Variants in MTA3 observed in about 807,000 individuals in gnomAD.
MTA3 encodes metastasis-associated protein MTA3.
In MTA3, 34 loss-of-function variants were observed where a neutral mutation model predicts 83.5. That is an observed-to-expected ratio of 0.41 (90% CI 0.31 to 0.54). The LOEUF (loss-of-function observed/expected upper bound fraction) is 0.54. Ranked by LOEUF, MTA3 falls within the 20% of genes least tolerant of loss-of-function variation. The pLI, the probability that MTA3 is intolerant of heterozygous loss-of-function variation, is 0.33. For missense variants in MTA3, 761 were observed against 726.4 expected (o/e 1.05, Z -0.55); for synonymous variants, 303 against 252.7 (o/e 1.20, Z -1.89).
chr2:42,581,165 G>C (rs1321716334), intron 3 of MTA3, among the ~76,000 whole-genome samples: 1 of 152,112 alleles, frequency 6.6e-6, no homozygotes, highest in African/African-American at 2.4e-5. Flanking sequence ...AAACAAAAAA[G>C]TGTTCATTAT....
intron 16 of MTA3, among the ~76,000 whole-genome samples, chr2:42,725,496 T>C (rs550725597): frequency 6.6e-6 from 1 of 152,332 alleles, no homozygotes; most frequent in South Asian, 2.1e-4. Context: ...ATGATGGATA[T>C]TGGAGGACAG....
intron 3 of MTA3, among the ~76,000 whole-genome samples, chr2:42,592,500 C>A (rs1416082556): frequency 6.6e-6 from 1 of 152,054 alleles, no homozygotes; most frequent in African/African-American, 2.4e-5. Context: ...AGGAGTATTG[C>A]TTGAGCCTGG....
At chr2:42,564,499 A>G (rs1677819800), upstream of MTA3, among the ~76,000 whole-genome samples, 2 of 152,022 alleles carry the variant, frequency 1.3e-5, no homozygotes, top group South Asian at 4.2e-4. Flanking sequence ...ATATGCCTAC[A>G]CTTCTCTTGG....
At chr2:42,659,299 T>C (rs1558552679) in intron 7 of MTA3, among the ~76,000 whole-genome samples, 1 of 152,174 alleles carries the variant, frequency 6.6e-6, no homozygotes, top group Admixed American at 6.5e-5. Flanking sequence ...ATCTGTTTCA[T>C]GTTGAATCCT....
chr2:42,496,322 A>G (rs1674133603), intron 2 of MTA3, among the ~76,000 whole-genome samples: 2 of 152,216 alleles, frequency 1.3e-5, no homozygotes, highest in African/African-American at 2.4e-5. Context: ...ATCATCAACC[A>G]CTGCTGCAGC....
chr2:42,629,583 CCT>C lies in MTA3; in HGVS notation c.318-10587_318-10586del, dbSNP rs1686473328. On this transcript the variant is annotated intron_variant, in intron 4 of 16. Coordinates refer to ENST00000405094, the MANE Select transcript of MTA3 (RefSeq NM_001330442.2). ...CCTTGAACAAGGAGGTGGGAGGAAA[CCT>C]CTAATCTATCTCCTCAGGGAATTTG... Among the ~76,000 whole-genome samples the C allele has an allele frequency of 3.9e-5, 6 of 152,126 alleles. No homozygotes were observed. In the South Asian group the frequency reaches 1.2e-3, roughly 32 times the overall value.
intron 3 of MTA3, among the ~76,000 whole-genome samples, chr2:42,588,750 T>G (rs1680629288): frequency 6.6e-6 from 1 of 152,216 alleles, no homozygotes; most frequent in Non-Finnish European, 1.5e-5. Flanking sequence ...GGAGATTATG[T>G]ATGTGTATAA....
intron 8 of MTA3, among the ~76,000 whole-genome samples, chr2:42,670,617 A>C (rs1298825189): frequency 6.6e-6 from 1 of 152,026 alleles, no homozygotes; most frequent in South Asian, 2.1e-4. Flanking sequence ...ACTCAGGTAA[A>C]CTGGCCCCTT....
chr2:42,654,474 C>T (rs1214656898), intron 6 of MTA3, among the ~76,000 whole-genome samples: 1 of 152,208 alleles, frequency 6.6e-6, no homozygotes, highest in East Asian at 1.9e-4. Context: ...GAATCTATAG[C>T]TATAAATCAA....
At chr2:42,578,097 A>C (rs894418862) in intron 2 of MTA3, among the ~76,000 whole-genome samples, 2 of 152,228 alleles carry the variant, frequency 1.3e-5, no homozygotes. Context: ...GGACTTCATA[A>C]AATTGACAAA....
At chr2:42,555,316 A>G (rs1677326742) in intron 2 of MTA3, among the ~76,000 whole-genome samples, 1 of 151,294 alleles carries the variant, frequency 6.6e-6, no homozygotes. Flanking sequence ...TTAGCCGGGC[A>G]TGGTGGTGCA....
intron 2 of MTA3, among the ~76,000 whole-genome samples, chr2:42,516,767 C>G (rs1675163572): frequency 6.6e-6 from 1 of 152,116 alleles, no homozygotes; most frequent in African/African-American, 2.4e-5. Context: ...AAAATAGAAA[C>G]AAATGTAGGC....
chr2:42,564,760 T>C (rs1219267681), upstream of MTA3, among the ~76,000 whole-genome samples: 3 of 152,178 alleles, frequency 2.0e-5, no homozygotes, highest in Non-Finnish European at 4.4e-5. Flanking sequence ...TCCCAGACTG[T>C]GGCCAGCACC....
intron 2 of MTA3, among the ~76,000 whole-genome samples, chr2:42,508,817 GATAT>G (rs1572896732): frequency 7.0e-6 from 1 of 143,398 alleles, no homozygotes; most frequent in Non-Finnish European, 1.5e-5. Flanking sequence ...AATTATATAT[GATAT>G]ATATGATATA....
chr2:42,738,717 T>C (rs186263612), intron 16 of MTA3, among the ~76,000 whole-genome samples: 19 of 152,334 alleles, frequency 1.2e-4, no homozygotes, highest in Admixed American at 5.9e-4. Flanking sequence ...GGGAGAAATA[T>C]TGCTGAATTC....
intron 3 of MTA3, among the ~76,000 whole-genome samples, chr2:42,590,075 A>G (rs544422060): frequency 1.3e-5 from 2 of 151,916 alleles, no homozygotes; most frequent in Admixed American, 6.6e-5. Context: ...TCTTAAACCT[A>G]TGTTTCTGTG....
At chr2:42,546,617 G>T (rs1234200544) in intron 2 of MTA3, among the ~76,000 whole-genome samples, 1 of 152,068 alleles carries the variant, frequency 6.6e-6, no homozygotes, top group Admixed American at 6.6e-5. Context: ...GCGTTTCTAG[G>T]TTGGTCATTC....
chr2:42,734,156 TC>T (rs1300505891), intron 16 of MTA3, among the ~76,000 whole-genome samples: 2 of 32,932 alleles, frequency 6.1e-5, no homozygotes, highest in African/African-American at 3.8e-4. Flanking sequence ...TGTTTTGTGG[TC>T]TCTCTCTCTC....
intron 10 of MTA3, among the ~76,000 whole-genome samples, chr2:42,697,021 A>G (rs999500448): frequency 6.6e-6 from 1 of 152,228 alleles, no homozygotes; most frequent in African/African-American, 2.4e-5. Flanking sequence ...AAAAGTTTCA[A>G]GTTGTCCCCC....
Sources: allele counts gnomAD v4.1 joint callset (sites outside exome capture counted in the v4.1 genomes callset), GRCh38; gene constraint gnomAD v4.1.1; transcripts MANE v1.5; gene names NCBI Gene and HGNC (gene_info 2026-07-23, HGNC 2026-07-21).